Variants in ZNF804A observed in about 807,000 individuals in gnomAD.
ZNF804A encodes the protein zinc finger protein 804A.
In ZNF804A, 2 loss-of-function variants were observed where a neutral mutation model predicts 16.5. The observed-to-expected ratio is 0.12, with a 90% CI of 0.05 to 0.38. The LOEUF is 0.38. ZNF804A is among the 10% of genes least tolerant of loss of function. The pLI, the probability that ZNF804A is intolerant of heterozygous loss-of-function variation, is 0.99. For synonymous variants in ZNF804A, 534 were observed against 489.6 expected (o/e 1.09, Z -1.20); for missense variants, 1,473 against 1,390.7 (o/e 1.06, Z -0.94).
At chr2:184,855,273 G>T (rs1695668611) in intron 1 of ZNF804A, among the ~76,000 whole-genome samples, 1 of 152,084 alleles carries the variant, frequency 6.6e-6, no homozygotes, top group African/African-American at 2.4e-5. Flanking sequence ...TTTTCGGGGA[G>T]TGAATATCCT....
chr2:184,740,450 C>T (rs765199599), intron 1 of ZNF804A, among the ~76,000 whole-genome samples: 4 of 152,150 alleles, frequency 2.6e-5, no homozygotes, highest in Non-Finnish European at 5.9e-5. Context: ...TCTGATGACG[C>T]TGAAGAACAT....
At chr2:184,905,839 A>G (rs1685263927) in intron 2 of ZNF804A, among the ~76,000 whole-genome samples, 1 of 152,130 alleles carries the variant, frequency 6.6e-6, no homozygotes, top group South Asian at 2.1e-4. Flanking sequence ...AGCTGTTCCA[A>G]TTTAAAATTG....
chr2:184,870,344 A>G (rs1695956674), intron 2 of ZNF804A, among the ~76,000 whole-genome samples: 1 of 152,086 alleles, frequency 6.6e-6, no homozygotes, highest in Admixed American at 6.6e-5. Flanking sequence ...ATGGGATACC[A>G]TAGGAGACGT....
intron 2 of ZNF804A, among the ~76,000 whole-genome samples, chr2:184,933,314 C>T (rs769014741): frequency 9.2e-5 from 14 of 152,144 alleles, no homozygotes; most frequent in Middle Eastern, 3.4e-3. Flanking sequence ...ATCTGAATTA[C>T]GCAGAGAAAC....
chr2:184,669,257 A>T (rs946537484), intron 1 of ZNF804A, among the ~76,000 whole-genome samples: 2 of 152,094 alleles, frequency 1.3e-5, no homozygotes, highest in Non-Finnish European at 2.9e-5. Context: ...ACAGCCCATG[A>T]AATGTTGAGT....
chr2:184,635,690 G>C (rs182781441), intron 1 of ZNF804A, among the ~76,000 whole-genome samples: 108 of 152,146 alleles, frequency 7.1e-4, no homozygotes, highest in African/African-American at 2.3e-3. Flanking sequence ...AATGTCTTTA[G>C]TAAAAGCATG....
chr2:184,877,971 G>A (rs1377430203), intron 2 of ZNF804A, among the ~76,000 whole-genome samples: 2 of 152,064 alleles, frequency 1.3e-5, no homozygotes, highest in Non-Finnish European at 2.9e-5. Context: ...ACCCGTAGAA[G>A]GGGAGACGCA....
chr2:184,921,955 T>C lies in ZNF804A; in HGVS notation c.256-11648T>C, dbSNP rs1574271855. Among the ~76,000 whole-genome samples the C allele has an allele frequency of 2.6e-5, 4 of 152,290 alleles. 1 individual carries two copies. In the Middle Eastern group the frequency reaches 0.014, roughly 518 times the overall value. ...GGTTGCAAATGACAGGATCTCTGTATTTTCTATGGCTGAATGATAATTTAT... is the reference window on the plus strand; with the variant it reads ...GGTTGCAAATGACAGGATCTCTGTACTTTCTATGGCTGAATGATAATTTAT... On this transcript the variant is annotated intron_variant, in intron 2 of 3. Coordinates refer to ENST00000302277, the MANE Select transcript of ZNF804A (RefSeq NM_194250.2).
At chr2:184,718,670 G>T (rs1693251570) in intron 1 of ZNF804A, among the ~76,000 whole-genome samples, 1 of 152,110 alleles carries the variant, frequency 6.6e-6, no homozygotes, top group Admixed American at 6.5e-5. Flanking sequence ...GCTCCAAAAT[G>T]ATCTCCTTGA....
chr2:184,773,579 A>T (rs1694248181), intron 1 of ZNF804A, among the ~76,000 whole-genome samples: 1 of 151,936 alleles, frequency 6.6e-6, no homozygotes, highest in Non-Finnish European at 1.5e-5. Context: ...TTATATTCTC[A>T]CTCATAAATG....
intron 1 of ZNF804A, among the ~76,000 whole-genome samples, chr2:184,801,196 C>A (rs952134715): frequency 6.6e-5 from 10 of 152,050 alleles, no homozygotes; most frequent in African/African-American, 2.4e-4. Flanking sequence ...GTTCTTTAAT[C>A]GGTATTGTGT....
intron 1 of ZNF804A, among the ~76,000 whole-genome samples, chr2:184,747,908 G>T (rs1284606008): frequency 1.3e-5 from 2 of 151,208 alleles, no homozygotes; most frequent in Non-Finnish European, 3.0e-5. Context: ...TGCAGTATTT[G>T]GTTTTCTCTT....
At chr2:184,674,920 T>G (rs1008158155) in intron 1 of ZNF804A, among the ~76,000 whole-genome samples, 7 of 151,888 alleles carry the variant, frequency 4.6e-5, no homozygotes, top group Non-Finnish European at 7.4e-5. Context: ...TCCTAAAGTT[T>G]ACTTATTAAT....
intron 2 of ZNF804A, among the ~76,000 whole-genome samples, chr2:184,928,843 A>C (rs1050444749): frequency 6.6e-6 from 1 of 152,092 alleles, no homozygotes; most frequent in African/African-American, 2.4e-5. Context: ...AACGTCTCAC[A>C]GTTGTTTCTC....
intron 2 of ZNF804A, among the ~76,000 whole-genome samples, chr2:184,877,892 G>C (rs1684734469): frequency 6.6e-6 from 1 of 152,034 alleles, no homozygotes; most frequent in African/African-American, 2.4e-5. Context: ...AGAAAATAAA[G>C]AGAGAAACAA....
Position 184,721,710 on chromosome 2 carries a change from G to A in ZNF804A, c.111+122640G>A, listed in dbSNP as rs184599467. On this transcript the variant is annotated intron_variant, in intron 1 of 3. Coordinates refer to ENST00000302277, the MANE Select transcript of ZNF804A (RefSeq NM_194250.2). ...AAAAAGCTAAAGCTACAAATGGAAC[G>A]ACTGTACGACCCAGCAATCTCACTA... 4.6e-5 allele frequency among the ~76,000 whole-genome samples: 7 copies of A among 152,138 alleles called. No homozygotes were observed. In the East Asian group the frequency reaches 1.4e-3, roughly 29 times the overall value.
chr2:184,924,027 G>A (rs969689698), intron 2 of ZNF804A, among the ~76,000 whole-genome samples: 1 of 151,590 alleles, frequency 6.6e-6, no homozygotes, highest in African/African-American at 2.4e-5. Context: ...GTGTGTGTGT[G>A]TGTGTGTATG....
intron 1 of ZNF804A, among the ~76,000 whole-genome samples, chr2:184,847,574 G>C (rs553110503): frequency 6.6e-6 from 1 of 152,122 alleles, no homozygotes; most frequent in East Asian, 1.9e-4. Flanking sequence ...CATTAGTACT[G>C]CCAGGATGTA....
At chr2:184,914,443 A>G (rs974235051) in intron 2 of ZNF804A, among the ~76,000 whole-genome samples, 1 of 152,162 alleles carries the variant, frequency 6.6e-6, no homozygotes, top group African/African-American at 2.4e-5. Flanking sequence ...AATCCCAGTT[A>G]TGGCTTCCCA....
Sources: gnomAD v4.1 joint callset for allele counts (sites outside exome capture counted in the v4.1 genomes callset) on GRCh38, gnomAD v4.1.1 for gene constraint, MANE v1.5 for transcripts, NCBI Gene and HGNC (gene_info 2026-07-23, HGNC 2026-07-21) for gene names.